CDH18: variants seen among roughly 807,000 people sequenced by gnomAD.
CDH18 encodes the protein cadherin 18, also known as cadherin-18.
In CDH18, 31 loss-of-function variants were observed where a neutral mutation model predicts 67.9. That is an observed-to-expected ratio of 0.46 (90% CI 0.34 to 0.62). CDH18 has a LOEUF of 0.62. Ranked by LOEUF, CDH18 falls within the 20% of genes least tolerant of loss-of-function variation. The pLI, the probability that CDH18 is intolerant of heterozygous loss-of-function variation, is 0.01. For missense variants in CDH18, 890 were observed against 975.5 expected (o/e 0.91, Z 1.17); for synonymous variants, 362 against 347.2 (o/e 1.04, Z -0.48).
intron 7 of CDH18, among the ~76,000 whole-genome samples, chr5:19,585,871 T>A (rs1000452481): frequency 6.6e-6 from 1 of 152,188 alleles, no homozygotes; most frequent in Non-Finnish European, 1.5e-5. Context: ...TAGCAAAGAA[T>A]AATCACATAT....
At chr5:20,287,931 A>T (rs1298589244) in intron 1 of CDH18, among the ~76,000 whole-genome samples, 1 of 151,874 alleles carries the variant, frequency 6.6e-6, no homozygotes, top group Non-Finnish European at 1.5e-5. Context: ...TCCTTGTTCA[A>T]GCAGCTGAAG....
intron 2 of CDH18, among the ~76,000 whole-genome samples, chr5:20,021,907 T>C (rs773157678): frequency 1.6e-4 from 24 of 152,172 alleles, no homozygotes; most frequent in African/African-American, 5.1e-4. Context: ...GCAGAAGCCA[T>C]GGACACAGCA....
chr5:20,378,276 A>G (rs1743627741), intron 1 of CDH18, among the ~76,000 whole-genome samples: 1 of 152,106 alleles, frequency 6.6e-6, no homozygotes, highest in Admixed American at 6.5e-5. Flanking sequence ...GGTTCACGCC[A>G]TTCTCCTGCC....
intron 1 of CDH18, among the ~76,000 whole-genome samples, chr5:20,326,196 G>A (rs1002183281): frequency 3.3e-5 from 5 of 152,056 alleles, no homozygotes; most frequent in African/African-American, 1.2e-4. Flanking sequence ...GTACCTATAA[G>A]TTATCAGTAT....
chr5:19,651,414 G>T (rs1015510919), intron 5 of CDH18, among the ~76,000 whole-genome samples: 3 of 152,016 alleles, frequency 2.0e-5, no homozygotes, highest in Non-Finnish European at 4.4e-5. Context: ...CATTATTAAA[G>T]ATATCATAAC....
intron 2 of CDH18, among the ~76,000 whole-genome samples, chr5:20,087,643 T>C (rs888929707): frequency 2.0e-5 from 3 of 152,206 alleles, no homozygotes; most frequent in Admixed American, 6.5e-5. Flanking sequence ...AAGGCTCAGA[T>C]GAATGTTAGT....
chr5:20,405,336 A>G (rs184940525), intron 1 of CDH18, among the ~76,000 whole-genome samples: 1,615 of 152,314 alleles, frequency 0.011, 33 homozygotes, highest in African/African-American at 0.037. Flanking sequence ...AGAAATGGGG[A>G]GAGGATTCCC....
intron 5 of CDH18, among the ~76,000 whole-genome samples, chr5:19,650,181 G>A (rs1755370299): frequency 6.6e-6 from 1 of 151,980 alleles, no homozygotes; most frequent in Non-Finnish European, 1.5e-5. Context: ...GCTGCCTCTT[G>A]ATGGTGGGAG....
intron 9 of CDH18, 101 bp downstream of exon 9, chr5:19,543,768 A>G (rs1735814807): frequency 1.3e-6 from 1 of 754,644 alleles, no homozygotes; most frequent in Non-Finnish European, 2.1e-6. Context: ...CTAGATCCTG[A>G]TATCAAAAAT....
intron 3 of CDH18, among the ~76,000 whole-genome samples, chr5:19,792,642 G>A (rs544293561): frequency 6.6e-6 from 1 of 152,144 alleles, no homozygotes; most frequent in East Asian, 1.9e-4. Context: ...TAGAAATAAA[G>A]GTAATTTTAT....
chr5:19,975,004 C>T (rs1395472565), intron 2 of CDH18, among the ~76,000 whole-genome samples: 3 of 152,146 alleles, frequency 2.0e-5, no homozygotes, highest in African/African-American at 7.2e-5. Context: ...TCTACCTACA[C>T]TCCTGTGCAG....
chr5:20,124,182 G>A (rs1050127692), intron 2 of CDH18, among the ~76,000 whole-genome samples: 1 of 152,116 alleles, frequency 6.6e-6, no homozygotes, highest in African/African-American at 2.4e-5. Context: ...ATCCAGTCAC[G>A]AAAAAGAAGA....
chr5:19,494,751 G>A (rs759927838), intron 11 of CDH18, among the ~76,000 whole-genome samples: 15 of 152,152 alleles, frequency 9.9e-5, no homozygotes, highest in African/African-American at 3.6e-4. Flanking sequence ...GTAAGGGATC[G>A]TAGGTAGAAT....
chr5:19,850,582 T>A (rs546261136), intron 2 of CDH18, among the ~76,000 whole-genome samples: 1 of 151,936 alleles, frequency 6.6e-6, no homozygotes, highest in East Asian at 1.9e-4. Flanking sequence ...ACAACTTCCA[T>A]ATAGTGAAGT....
chr5:20,378,402 T>C (rs1288413156), intron 1 of CDH18, among the ~76,000 whole-genome samples: 1 of 151,950 alleles, frequency 6.6e-6, no homozygotes, highest in Non-Finnish European at 1.5e-5. Context: ...AACCCTCTTT[T>C]CTTTGGGGCC....
intron 5 of CDH18, 123 bp downstream of exon 5, chr5:19,721,224 A>C: frequency 1.1e-6 from 1 of 873,304 alleles, no homozygotes; most frequent in Non-Finnish European, 1.7e-6. Flanking sequence ...AAAAGTGAGG[A>C]TATGTTTAAA....
chr5:19,595,121 A>G (rs576327611), intron 6 of CDH18, among the ~76,000 whole-genome samples: 1 of 152,316 alleles, frequency 6.6e-6, no homozygotes, highest in African/African-American at 2.4e-5. Context: ...CAAAAAAATT[A>G]GTTGCATCTA....
At chr5:19,952,852 T>C (rs916162427) in intron 2 of CDH18, among the ~76,000 whole-genome samples, 1 of 152,112 alleles carries the variant, frequency 6.6e-6, no homozygotes, top group Non-Finnish European at 1.5e-5. Flanking sequence ...TAAAATGTAG[T>C]TATACAGTTG....
chr5:20,040,978 A>C (rs1740371362), intron 2 of CDH18, among the ~76,000 whole-genome samples: 1 of 152,184 alleles, frequency 6.6e-6, no homozygotes, highest in Non-Finnish European at 1.5e-5. Flanking sequence ...AGCTAGTTTT[A>C]TATACTGATC....
Sources: allele counts gnomAD v4.1 joint callset (sites outside exome capture counted in the v4.1 genomes callset), GRCh38; gene constraint gnomAD v4.1.1; transcripts MANE v1.5; gene names NCBI Gene and HGNC (gene_info 2026-07-23, HGNC 2026-07-21).